Variants in USH2A observed in about 807,000 individuals in gnomAD.
The protein encoded by USH2A is usherin.
USH2A carries 443 observed loss-of-function variants against 538.9 expected under a neutral mutation model. The observed-to-expected ratio is 0.82, with a 90% CI of 0.76 to 0.89. The LOEUF (loss-of-function observed/expected upper bound fraction) is 0.89. USH2A is among the 40% of genes least tolerant of loss of function. The probability of loss-of-function intolerance (pLI) is 0.00; values close to 1 mark genes in which losing one functional copy is unlikely to be tolerated. For missense variants in USH2A, 6,633 were observed against 6,324.8 expected (o/e 1.05, Z -1.65); for synonymous variants, 2,413 against 2,273.5 (o/e 1.06, Z -1.75).
At chr1:215,692,942 T>A (rs1014004919) in intron 61 of USH2A, among the ~76,000 whole-genome samples, 2 of 151,752 alleles carry the variant, frequency 1.3e-5, no homozygotes, top group Non-Finnish European at 2.9e-5. Context: ...CTCACTCTGT[T>A]GCCCGGGTTG....
chr1:215,857,187 A>G (rs1415584467), intron 44 of USH2A, among the ~76,000 whole-genome samples: 1 of 152,164 alleles, frequency 6.6e-6, no homozygotes, highest in African/African-American at 2.4e-5. Flanking sequence ...GTGTACAAAT[A>G]AGTAAATAAA....
chr1:216,071,285 A>G (rs1465709802), intron 29 of USH2A, among the ~76,000 whole-genome samples: 3 of 152,198 alleles, frequency 2.0e-5, no homozygotes, highest in Non-Finnish European at 4.4e-5. Context: ...GTGAACATAA[A>G]AGATAAGAGG....
At position 216,390,591 on chromosome 1, in the gene USH2A, C is replaced by A. The variant is rs2039089533; in HGVS notation, c.652-25506G>T. Among the ~76,000 whole-genome samples the A allele has an allele frequency of 3.3e-5, 5 of 152,118 alleles. No homozygotes were observed. The South Asian group carries it at 1.0e-3, about 32-fold the overall frequency. ...TAGAATATGTTATTTAAATTATAAT[C>A]ATCTTAAAAGGCTAATATTCTTGAA... On this transcript the variant is annotated intron_variant, in intron 3 of 71. Coordinates refer to ENST00000307340, the MANE Select transcript of USH2A (RefSeq NM_206933.4).
chr1:215,782,292 A>G, intron 53 of USH2A, 96 bp from the exon 54 acceptor site: 1 of 1,298,882 alleles, frequency 7.7e-7, no homozygotes, highest in South Asian at 1.2e-5. Context: ...GAAATGCAAT[A>G]CTATAGCTTT....
rs368490585 is a variant in USH2A, at chr1:216,046,418, C to T, written c.6325+13G>A. 478 of 1,613,272 alleles carry T rather than the reference C, an allele frequency of 3.0e-4. 2 individuals are homozygous for T. The highest frequency in any genetic ancestry group is 2.5e-3 in the Middle Eastern group (15 of 6,050). ...AGACTATAACAATTCGCTGATAACT[C>T]TAGAGGTCTTACCTGTGACTATGTA... On this transcript the variant is annotated intron_variant, in intron 32 of 71. Transcript: ENST00000307340.
chr1:216,330,645 A>G (rs2037841333), intron 4 of USH2A, among the ~76,000 whole-genome samples: 1 of 151,988 alleles, frequency 6.6e-6, no homozygotes, highest in Non-Finnish European at 1.5e-5. Context: ...ACAAATTGTT[A>G]TATATACAAA....
chr1:216,158,828 G>A (rs301756), intron 21 of USH2A, among the ~76,000 whole-genome samples: 1 of 152,106 alleles, frequency 6.6e-6, no homozygotes, highest in Non-Finnish European at 1.5e-5. Flanking sequence ...AATATTAAGT[G>A]TTTAGATCCA....
In USH2A at chr1:215,790,265, G is replaced by T. The variant is rs1288381992; in HGVS notation, c.9976C>A (p.Gln3326Lys). ...GTATCTGACATATTCACATAATCCT[G>T]CCCACAACAGAACATACCTGCAACA... ...NRLPGMFCCG[Q>K]DYVNMSDTIC... is the part of the protein sequence containing the mutation. The change falls in exon 51 of 72, where the codon CAG becomes AAG. Residue 3326 changes from glutamine to lysine, a missense_variant. Physicochemically the swap from Gln to Lys is moderately conservative, Grantham distance 53. Coordinates refer to ENST00000307340, the MANE Select transcript of USH2A (RefSeq NM_206933.4). 6.2e-6 allele frequency: 10 copies of T among 1,613,708 alleles called. No individual in the cohort carries two copies. The highest frequency in any genetic ancestry group is 1.7e-5 in the Admixed American group (1 of 59,978).
intron 11 of USH2A, among the ~76,000 whole-genome samples, chr1:216,251,442 C>CTTTTTTTTTTT (rs779947689): frequency 1.2e-5 from 1 of 80,338 alleles, no homozygotes; most frequent in Non-Finnish European, 2.3e-5. Flanking sequence ...ACCACTTCCC[C>CTTTTTTTTTTT]TTTTTTTTTT....
intron 13 of USH2A, among the ~76,000 whole-genome samples, chr1:216,243,762 T>A (rs183121912): frequency 2.4e-3 from 373 of 152,338 alleles, no homozygotes; most frequent in African/African-American, 8.6e-3. Flanking sequence ...CATTTTCTAC[T>A]AAATATTTTA....
At chr1:215,845,518 T>TA (rs936591034) in intron 45 of USH2A, among the ~76,000 whole-genome samples, 3 of 151,306 alleles carry the variant, frequency 2.0e-5, no homozygotes, top group South Asian at 2.1e-4. Context: ...GGGCAAATCT[T>TA]AAAAAAAAAG....
intron 44 of USH2A, among the ~76,000 whole-genome samples, chr1:215,863,305 G>A (rs1365955969): frequency 6.6e-6 from 1 of 152,184 alleles, no homozygotes; most frequent in Non-Finnish European, 1.5e-5. Context: ...AAAGTCAGAT[G>A]TGGTCTCTTC....
chr1:216,369,034 AT>A (rs1181028058), intron 3 of USH2A, among the ~76,000 whole-genome samples: 2 of 152,216 alleles, frequency 1.3e-5, no homozygotes, highest in Non-Finnish European at 2.9e-5. Flanking sequence ...TATAAGGAAC[AT>A]CATTTTGAAT....
intron 30 of USH2A, 109 bp downstream of exon 30, chr1:216,069,992 C>T (rs2031502651): frequency 3.1e-6 from 4 of 1,280,522 alleles, no homozygotes; most frequent in South Asian, 1.3e-5. Context: ...AGGTAAAATA[C>T]ATGTATATTT....
chr1:215,792,162 T>C (rs1227340049), intron 50 of USH2A, among the ~76,000 whole-genome samples: 4 of 152,138 alleles, frequency 2.6e-5, no homozygotes, highest in Non-Finnish European at 5.9e-5. Context: ...AAGTATAAAA[T>C]AAAAATGCAG....
At chr1:216,076,858 C>T (rs577199237) in intron 27 of USH2A, among the ~76,000 whole-genome samples, 6 of 152,212 alleles carry the variant, frequency 3.9e-5, no homozygotes, top group African/African-American at 1.4e-4. Flanking sequence ...TTTTGAAATA[C>T]GTAAAGGACC....
At chr1:216,241,494 GCT>G (rs2035937122) in intron 13 of USH2A, among the ~76,000 whole-genome samples, 1 of 151,244 alleles carries the variant, frequency 6.6e-6, no homozygotes, top group South Asian at 2.1e-4. Flanking sequence ...TCTTTTCCTG[GCT>G]CTTTTTTTGG....
At position 215,743,169 on chromosome 1, in the gene USH2A, A is replaced by C; in HGVS notation, c.11548+8T>G. The C allele has an allele frequency of 6.2e-7, 1 of 1,608,148 alleles. No homozygotes were observed. The highest frequency in any genetic ancestry group is 8.5e-7 in the Non-Finnish European group (1 of 1,176,592). On this transcript the variant is annotated splice_region_variant and intron_variant, in intron 59 of 71. Coordinates refer to ENST00000307340, the MANE Select transcript of USH2A (RefSeq NM_206933.4). ...AAAGCCCAGGCCAAGTGTCTGAAAGACTTTCACCATTTTGACATGCTTGTA... is the reference window on the plus strand; with the variant it reads ...AAAGCCCAGGCCAAGTGTCTGAAAGCCTTTCACCATTTTGACATGCTTGTA...
intron 4 of USH2A, among the ~76,000 whole-genome samples, chr1:216,329,402 C>A (rs2037803816): frequency 6.6e-6 from 1 of 152,042 alleles, no homozygotes; most frequent in Non-Finnish European, 1.5e-5. Flanking sequence ...GAGAAGAATA[C>A]ATGCAAATAC....
Sources: gnomAD v4.1 joint callset for allele counts (sites outside exome capture counted in the v4.1 genomes callset) on GRCh38, gnomAD v4.1.1 for gene constraint, MANE v1.5 for transcripts, NCBI Gene and HGNC (gene_info 2026-07-23, HGNC 2026-07-21) for gene names.